Variants in ACACA observed in about 807,000 individuals in gnomAD.
The protein encoded by ACACA is acetyl-CoA carboxylase 1.
ACACA carries 103 observed loss-of-function variants against 296.1 expected under a neutral mutation model. The ratio of observed to expected loss-of-function variants is 0.35; its 90% CI spans 0.30 to 0.41. The LOEUF is 0.41. ACACA is among the 10% of genes least tolerant of loss of function. The probability of loss-of-function intolerance (pLI) is 1.00; values close to 1 mark genes in which losing one functional copy is unlikely to be tolerated. For missense variants in ACACA, 1,554 were observed against 2,989.7 expected, an observed-to-expected ratio of 0.52 and a Z score of 11.20; for synonymous variants, 953 against 1,038.6, an observed-to-expected ratio of 0.92 and a Z score of 1.58.
intron 3 of ACACA, among the ~76,000 whole-genome samples, chr17:37,302,618 T>C (rs929078965): frequency 6.6e-6 from 1 of 152,234 alleles, no homozygotes; most frequent in Non-Finnish European, 1.5e-5. Context: ...CTGTCAGCAA[T>C]GTTCCACAAG....
In ACACA at chr17:37,182,859, T is replaced by C. The variant is rs925737259; in HGVS notation, c.4777-1503A>G. Among the ~76,000 whole-genome samples the C allele has an allele frequency of 7.9e-5, 12 of 152,302 alleles. No homozygotes were observed. The East Asian group carries it at 1.5e-3, about 20-fold the overall frequency. ...GCCCCTTAGCTCAGAGGAATGAATGTTCTGCTAATTTGTCAATCAGGTCCT... is the reference window on the plus strand; with the variant it reads ...GCCCCTTAGCTCAGAGGAATGAATGCTCTGCTAATTTGTCAATCAGGTCCT... On this transcript the variant is annotated intron_variant, in intron 39 of 55. Coordinates refer to ENST00000616317, the MANE Select transcript of ACACA (RefSeq NM_198834.3).
chr17:37,312,045 G>A (rs1024822785), intron 3 of ACACA, among the ~76,000 whole-genome samples: 2 of 152,048 alleles, frequency 1.3e-5, no homozygotes, highest in Non-Finnish European at 2.9e-5. Context: ...GAGGCCAGGA[G>A]TTTGAGACCA....
chr17:37,382,208 T>G (rs1174958979), intron 1 of ACACA, among the ~76,000 whole-genome samples: 2 of 152,082 alleles, frequency 1.3e-5, no homozygotes, highest in East Asian at 3.9e-4. Context: ...TAAATTACCC[T>G]CACTAGAGGT....
intron 10 of ACACA, among the ~76,000 whole-genome samples, chr17:37,267,199 G>A (rs963874465): frequency 9.9e-5 from 15 of 151,858 alleles, no homozygotes; most frequent in Non-Finnish European, 2.1e-4. Context: ...TTTGAACTGG[G>A]CACAACTGGC....
chr17:37,232,766 C>T (rs2079922088), intron 25 of ACACA, among the ~76,000 whole-genome samples: 1 of 151,772 alleles, frequency 6.6e-6, no homozygotes, highest in Non-Finnish European at 1.5e-5. Context: ...TACTGGGTCT[C>T]ATTTTGTTTT....
intron 29 of ACACA, among the ~76,000 whole-genome samples, chr17:37,218,691 A>T (rs1395984964): frequency 6.6e-6 from 1 of 152,244 alleles, no homozygotes; most frequent in East Asian, 1.9e-4. Flanking sequence ...GTTAGTGGAC[A>T]TAACTGAGCC....
At chr17:37,361,096 T>C (rs1457470598) in intron 1 of ACACA, among the ~76,000 whole-genome samples, 1 of 150,052 alleles carries the variant, frequency 6.7e-6, no homozygotes, top group Admixed American at 6.7e-5. Context: ...TGGAGTGCCG[T>C]GGTGCAATCT....
chr17:37,256,926 G>C (rs2081255298), intron 14 of ACACA, among the ~76,000 whole-genome samples: 1 of 152,008 alleles, frequency 6.6e-6, no homozygotes, highest in African/African-American at 2.4e-5. Context: ...TTAAATGTTT[G>C]ATACAAGGCA....
In ACACA at chr17:37,191,142, G is replaced by A; in HGVS notation, c.4550C>T (p.Thr1517Met). The change falls in exon 38 of 56, where the codon ACG becomes ATG. Residue 1517 changes from threonine to methionine, a missense_variant. Thr to Met is a moderately conservative substitution (Grantham distance 81, BLOSUM62 -1). This residue lies in a region of ACACA where 35 missense variants were observed against 131.8 expected (regional missense o/e 0.27). Transcript: ENST00000616317. ...CNHIFLNFVP[T>M]VIMDPSKIEE... ...TACCTTTGATGGGTCCATGATAACC[G>A]TGGGCACAAAGTTGAGGAAGATGTG... 1.2e-6 allele frequency: 2 copies of A among 1,614,102 alleles called. No homozygotes were observed. The highest frequency in any genetic ancestry group is 1.7e-6 in the Non-Finnish European group (2 of 1,180,002).
intron 3 of ACACA, among the ~76,000 whole-genome samples, chr17:37,322,390 G>C (rs2047396915): frequency 6.6e-6 from 1 of 152,100 alleles, no homozygotes; most frequent in African/African-American, 2.4e-5. Context: ...TCAGTGACTT[G>C]AACATATGTT....
At chr17:37,330,633 A>G (rs1433291580) in intron 2 of ACACA, among the ~76,000 whole-genome samples, 4 of 152,142 alleles carry the variant, frequency 2.6e-5, no homozygotes, top group Admixed American at 6.5e-5. Flanking sequence ...ATAAATTAAA[A>G]CCAGTTCCCT....
intron 1 of ACACA, 118 bp downstream of exon 1, chr17:37,406,144 T>C (rs1467251111): frequency 8.4e-7 from 1 of 1,197,558 alleles, no homozygotes; most frequent in African/African-American, 1.5e-5. Flanking sequence ...TCACAAGTTT[T>C]AAATGAGACC....
chr17:37,113,281 C>T lies in ACACA; in HGVS notation c.6275-16G>A. 2 of 1,613,462 alleles carry T rather than the reference C, an allele frequency of 1.2e-6. No homozygotes were observed. Among genetic ancestry groups the T allele is most frequent in the Non-Finnish European group, 8.5e-7 (1 of 1,179,518 alleles). ...TCGTACATATCTATGGAGAATGAGACAAATTAGAAATCAAGAAATTTCTCT... is the reference window on the plus strand; with the variant it reads ...TCGTACATATCTATGGAGAATGAGATAAATTAGAAATCAAGAAATTTCTCT... On this transcript the variant is annotated splice_polypyrimidine_tract_variant and intron_variant, in intron 50 of 55. Coordinates refer to ENST00000616317, the MANE Select transcript of ACACA (RefSeq NM_198834.3). This position sits in a 1 kb window ranked among gnomAD's most constrained non-coding sequence, Gnocchi z 4.0.
At chr17:37,249,596 T>G (rs1053685172) in intron 16 of ACACA, among the ~76,000 whole-genome samples, 7 of 152,204 alleles carry the variant, frequency 4.6e-5, no homozygotes, top group African/African-American at 1.7e-4. Context: ...TTTATTTACT[T>G]AATGATTAGT....
chr17:37,140,029 T>C (rs1430910598), intron 45 of ACACA, among the ~76,000 whole-genome samples: 2 of 152,194 alleles, frequency 1.3e-5, no homozygotes, highest in Non-Finnish European at 2.9e-5. Context: ...TTTAGCCAAA[T>C]ATAAAAAAGA....
At chr17:37,379,418 C>T in intron 1 of ACACA, 2 of 1,595,408 alleles carry the variant, frequency 1.3e-6, no homozygotes, top group Non-Finnish European at 1.7e-6. Context: ...CAGGCACTAA[C>T]TTTTAGTTGA....
At chr17:37,259,268 A>G (rs112645719) in intron 12 of ACACA, 92 bp downstream of exon 12, 1 of 1,368,106 alleles carries the variant, frequency 7.3e-7, no homozygotes, top group Non-Finnish European at 1.0e-6. Flanking sequence ...CTCAGATAGG[A>G]GGTGCTTTTC....
At position 37,329,073 on chromosome 17, in the gene ACACA, T is replaced by A. The variant is rs1045400397; in HGVS notation, c.338+1100A>T. The stretch of plus-strand genomic sequence containing the variant: ...AAATAAAAACAATCTAGTGTTACTA[T>A]GTACTGACATTCTCAGTTAGGGAGA... On this transcript the variant is annotated intron_variant, in intron 3 of 55. Transcript: ENST00000616317. 7 of 397,408 alleles carry A rather than the reference T, an allele frequency of 1.8e-5. No individual in the cohort carries two copies. The Admixed American group carries it at 3.1e-4, about 18-fold the overall frequency. The allele number at this position is 397,408 out of a possible 1,614,324, so 24.6% of individuals were successfully genotyped here.
At chr17:37,102,055 A>G (rs1052530227) in intron 52 of ACACA, among the ~76,000 whole-genome samples, 1 of 152,186 alleles carries the variant, frequency 6.6e-6, no homozygotes, top group Non-Finnish European at 1.5e-5. Context: ...GAATACTTCA[A>G]CGTTACTGCG....
Sources: allele counts gnomAD v4.1 joint callset (sites outside exome capture counted in the v4.1 genomes callset), GRCh38; gene constraint gnomAD v4.1.1; regional missense constraint gnomAD v4.1.1; non-coding constraint Gnocchi (gnomAD v3.1); transcripts MANE v1.5; gene names NCBI Gene and HGNC (gene_info 2026-07-23, HGNC 2026-07-21).